Variants in POLA2 observed in about 807,000 individuals in gnomAD.
POLA2 encodes the protein DNA polymerase alpha 2, accessory subunit, also known as DNA polymerase alpha subunit B.
Under a neutral mutation model 82.8 loss-of-function variants are expected in POLA2, and 47 were observed. The observed-to-expected ratio is 0.57, with a 90% CI of 0.45 to 0.72. The LOEUF is 0.72. Ranked by LOEUF, POLA2 falls within the 30% of genes least tolerant of loss-of-function variation. The pLI, the probability that POLA2 is intolerant of heterozygous loss-of-function variation, is 0.00. For synonymous variants in POLA2, 287 were observed against 286.8 expected, an observed-to-expected ratio of 1.00 and a Z score of -0.01; for missense variants, 634 against 728.1, an observed-to-expected ratio of 0.87 and a Z score of 1.49.
In POLA2 at chr11:65,267,485, C is replaced by T. The variant is rs1199704582; in HGVS notation, c.213C>T (p.Ser71=). The change falls in exon 3 of 18, where the codon AGC becomes AGT. Residue 71 remains serine, a synonymous_variant. Transcript: ENST00000265465. ...ILNSFEHEFL[S]KRLSKARHST... is the part of the protein sequence containing the mutation. Reference sequence around the variant, plus strand: ...TATCTTTTCTTTTTCAGTTTCTGAGCAAAAGATTATCGAAAGCCAGGCATA... The same window carrying T: ...TATCTTTTCTTTTTCAGTTTCTGAGTAAAAGATTATCGAAAGCCAGGCATA... 6.2e-7 allele frequency: 1 copy of T among 1,606,352 alleles called. No homozygotes were observed. Among genetic ancestry groups the T allele is most frequent in the African/African-American group, 1.3e-5 (1 of 74,582 alleles).
At position 65,275,980 on chromosome 11, in the gene POLA2, C is replaced by T. The variant is rs767341756; in HGVS notation, c.443C>T (p.Pro148Leu). The T allele has an allele frequency of 6.9e-6, 11 of 1,599,984 alleles. No individual in the cohort carries two copies. Among genetic ancestry groups the T allele is most frequent in the South Asian group, 4.5e-5 (4 of 88,404 alleles). Residue 148 changes from proline (P) to leucine (L), a missense_variant, in exon 5 of 18, where the codon CCG (proline) becomes CTG (leucine). Pro to Leu is a moderately conservative substitution (Grantham distance 98). Coordinates refer to ENST00000265465, the MANE Select transcript of POLA2 (RefSeq NM_002689.4). ...CGTAGCCCCCATCAGCTACTCTCAC[C>T]GTCAAGTTTCTCTCCAAGGTATGGA... ...STRSPHQLLS[P>L]SSFSPSATPS... is the part of the protein sequence containing the mutation.
chr11:65,266,883 CTAA>C (rs1261887162), intron 2 of POLA2, among the ~76,000 whole-genome samples, 177 bp downstream of exon 2: 2 of 152,230 alleles, frequency 1.3e-5, no homozygotes, highest in Admixed American at 6.5e-5. Flanking sequence ...GACATTGGGT[CTAA>C]TAATCTGTAT....
At chr11:65,264,808 T>C (rs1242904031) in intron 1 of POLA2, among the ~76,000 whole-genome samples, 1 of 152,256 alleles carries the variant, frequency 6.6e-6, no homozygotes, top group Non-Finnish European at 1.5e-5. Flanking sequence ...CTGTCTTACA[T>C]ATTTTCTATT....
intron 13 of POLA2, among the ~76,000 whole-genome samples, chr11:65,293,870 A>G (rs1054503926): frequency 2.0e-5 from 3 of 152,184 alleles, no homozygotes; most frequent in African/African-American, 7.2e-5. Flanking sequence ...CTGCCAAAAA[A>G]TAGTCTCCAT....
intron 1 of POLA2, among the ~76,000 whole-genome samples, chr11:65,264,875 T>A (rs931822293): frequency 2.0e-5 from 3 of 152,222 alleles, no homozygotes; most frequent in African/African-American, 7.2e-5. Context: ...CAATCTTGCC[T>A]TTAAAATACT....
intron 10 of POLA2, among the ~76,000 whole-genome samples, chr11:65,283,311 A>G (rs1949660649): frequency 6.6e-6 from 1 of 152,140 alleles, no homozygotes; most frequent in Non-Finnish European, 1.5e-5. Context: ...TTTAGTTAAC[A>G]GCGATATACC....
chr11:65,272,308 CA>C (rs887097116), intron 4 of POLA2, among the ~76,000 whole-genome samples: 1 of 150,602 alleles, frequency 6.6e-6, no homozygotes, highest in Admixed American at 6.6e-5. Flanking sequence ...GACTCCATCT[CA>C]AAAAAAAAGA....
intron 11 of POLA2, among the ~76,000 whole-genome samples, chr11:65,288,511 T>TG (rs908585295): frequency 4.5e-5 from 5 of 110,832 alleles, no homozygotes; most frequent in Middle Eastern, 5.4e-3. Context: ...GTTTGTTTTT[T>TG]GTTTTTTTTT....
intron 16 of POLA2, 125 bp from the exon 17 acceptor site, chr11:65,295,739 A>C (rs781740628): frequency 9.7e-6 from 13 of 1,336,292 alleles, no homozygotes; most frequent in African/African-American, 2.9e-5. Flanking sequence ...ATTCTGCCCC[A>C]CACACACAGA....
At chr11:65,263,917 T>C (rs1235597138) in intron 1 of POLA2, among the ~76,000 whole-genome samples, 2 of 152,176 alleles carry the variant, frequency 1.3e-5, no homozygotes, top group Non-Finnish European at 2.9e-5. Flanking sequence ...AAATTAGTTA[T>C]GTGAACCAGA....
downstream of POLA2, among the ~76,000 whole-genome samples, chr11:65,303,339 C>T (rs1363117747): frequency 7.5e-6 from 1 of 132,894 alleles, no homozygotes; most frequent in African/African-American, 3.0e-5. Context: ...GAGACTCTGT[C>T]TCCAAAAAAA....
At chr11:65,286,233 G>A (rs1372570151) in intron 10 of POLA2, among the ~76,000 whole-genome samples, 1 of 152,114 alleles carries the variant, frequency 6.6e-6, no homozygotes, top group Non-Finnish European at 1.5e-5. Flanking sequence ...TGGCTTTGCC[G>A]CTGCAGGTGG....
At chr11:65,265,183 C>A (rs191454123) in intron 1 of POLA2, among the ~76,000 whole-genome samples, 123 of 150,858 alleles carry the variant, frequency 8.2e-4, no homozygotes, top group Non-Finnish European at 1.2e-3. Context: ...GAGCCGAGAT[C>A]GTGCCACTGC....
At chr11:65,292,448 C>T (rs1026349304) in intron 13 of POLA2, among the ~76,000 whole-genome samples, 1 of 152,176 alleles carries the variant, frequency 6.6e-6, no homozygotes, top group Non-Finnish European at 1.5e-5. Flanking sequence ...TTAACTATTG[C>T]CCTTCCAAAG....
chr11:65,282,445 C>T, intron 9 of POLA2, 34 bp from the exon 10 acceptor site: 1 of 1,607,878 alleles, frequency 6.2e-7, no homozygotes, highest in East Asian at 2.2e-5. Flanking sequence ...ATGCCTGGCG[C>T]AAGACCTTAC....
Position 65,281,719 on chromosome 11 carries a change from C to T in POLA2, c.950C>T (p.Thr317Ile). 6.2e-7 allele frequency: 1 copy of T among 1,613,766 alleles called. No individual in the cohort carries two copies. ...INTTGRKLVA[T>I]KLYEGVPLPF... ...ACCACTGGTAGGAAACTTGTTGCCA[C>T]CAAACTCTACGAGGTACACAGCAGT... is the stretch of plus-strand genomic sequence containing the variant. The change falls in exon 9 of 18, where the codon ACC becomes ATC. Residue 317 changes from threonine to isoleucine, a missense_variant. Coordinates refer to ENST00000265465, the MANE Select transcript of POLA2 (RefSeq NM_002689.4).
chr11:65,299,432 T>C (rs1311501336), downstream of POLA2, among the ~76,000 whole-genome samples: 1 of 152,178 alleles, frequency 6.6e-6, no homozygotes, highest in Non-Finnish European at 1.5e-5. Flanking sequence ...GGAGAGCTGC[T>C]GAGGGAACAG....
At chr11:65,263,222 T>G (rs554025804) in intron 1 of POLA2, among the ~76,000 whole-genome samples, 1 of 132,990 alleles carries the variant, frequency 7.5e-6, no homozygotes. Context: ...CTCTCTCTCT[T>G]TTTTTTTTTT....
chr11:65,272,980 C>T (rs1163435242), intron 4 of POLA2, among the ~76,000 whole-genome samples: 10 of 148,508 alleles, frequency 6.7e-5, no homozygotes, highest in Admixed American at 3.4e-4. Context: ...CACTGCACTC[C>T]AGCCTGGGCA....
Sources: allele counts gnomAD v4.1 joint callset (sites outside exome capture counted in the v4.1 genomes callset), GRCh38; gene constraint gnomAD v4.1.1; transcripts MANE v1.5; gene names NCBI Gene and HGNC (gene_info 2026-07-23, HGNC 2026-07-21).